EIF4G3: variants seen among roughly 807,000 people sequenced by gnomAD.
The protein encoded by EIF4G3 is eukaryotic translation initiation factor 4 gamma 3, also known as eIF-4-gamma 3.
Under a neutral mutation model 186.4 loss-of-function variants are expected in EIF4G3, and 34 were observed. The observed-to-expected ratio is 0.18, with a 90% CI of 0.14 to 0.24. EIF4G3 has a LOEUF of 0.24. Among genes scored for constraint, EIF4G3 ranks in the 10% least tolerant of loss-of-function variants. The pLI is 1.00. For synonymous variants in EIF4G3, 673 were observed against 679.5 expected, an observed-to-expected ratio of 0.99 and a Z score of 0.15; for missense variants, 1,536 against 1,948.5, an observed-to-expected ratio of 0.79 and a Z score of 3.99.
In EIF4G3 at chr1:20,980,342, T is replaced by C. The variant is rs147705566; in HGVS notation, c.485A>G (p.Asn162Ser). 1.1e-4 allele frequency: 166 copies of C among 1,549,656 alleles called. No homozygotes were observed. The African/African-American group carries it at 1.3e-3, about 12-fold the overall frequency. Reference protein sequence around the residue: ...YPGPGPGDFPNAYGTPFYPSQ... With the variant: ...YPGPGPGDFPSAYGTPFYPSQ... ...TGACTTTTCCTACTTACCATAAGCA[T>C]TGGGGAAGTCCCCAGGTCCTGGTCC... The change falls in exon 10 of 37, where the codon AAT becomes AGT. Residue 162 changes from asparagine (N) to serine (S), a missense_variant. Around this residue, in one of 11 missense-constraint regions of EIF4G3, gnomAD observed 194 missense variants for 212.8 expected, o/e 0.91. Transcript: ENST00000602326.
intron 2 of EIF4G3, among the ~76,000 whole-genome samples, chr1:21,163,422 C>T (rs2097796804): frequency 6.6e-6 from 1 of 152,118 alleles, no homozygotes; most frequent in Non-Finnish European, 1.5e-5. Context: ...CTCAAAGATT[C>T]AACAATTATT....
At chr1:20,990,704 A>T (rs992323874) in intron 7 of EIF4G3, among the ~76,000 whole-genome samples, 1 of 152,226 alleles carries the variant, frequency 6.6e-6, no homozygotes, top group Non-Finnish European at 1.5e-5. Flanking sequence ...CTATATGTAC[A>T]TCATTTTCTT....
chr1:20,883,548 C>T (rs2083105024), intron 19 of EIF4G3, among the ~76,000 whole-genome samples: 1 of 151,278 alleles, frequency 6.6e-6, no homozygotes, highest in East Asian at 1.9e-4. Flanking sequence ...ACCTGGGAGG[C>T]GGAGGCTGCA....
chr1:21,138,287 C>T (rs1378002433), intron 2 of EIF4G3, among the ~76,000 whole-genome samples: 1 of 152,204 alleles, frequency 6.6e-6, no homozygotes, highest in Non-Finnish European at 1.5e-5. Context: ...AGCTCTGGCT[C>T]TTCACTGTCT....
intron 7 of EIF4G3, among the ~76,000 whole-genome samples, chr1:20,997,303 T>C (rs2082492458): frequency 6.6e-6 from 1 of 151,874 alleles, no homozygotes; most frequent in Non-Finnish European, 1.5e-5. Flanking sequence ...ACAAAATCTA[T>C]AAACACTTAG....
intron 27 of EIF4G3, 40 bp downstream of exon 27, chr1:20,853,520 C>T (rs3767244): frequency 0.033 from 45,354 of 1,365,908 alleles, 1,508 homozygotes; most frequent in East Asian, 0.14. Context: ...TACTGGCAAG[C>T]GGGCCAGCCT....
Position 20,982,398 on chromosome 1 carries a change from C to A in EIF4G3, c.188G>T (p.Arg63Ile). ...PRPPHHQGGF[R>I]PIQFFQRPQI... is the part of the protein sequence containing the mutation. ...CCAGTAGTTTGTTACCTGGATAGGT[C>A]TGAATCCTCCCTTCAAATATGAAGC... Residue 63 changes from arginine (R) to isoleucine (I), a missense_variant, in exon 8 of 37, where the codon AGA (arginine) becomes ATA (isoleucine). Coordinates refer to ENST00000602326, the MANE Select transcript of EIF4G3 (RefSeq NM_001391906.1). 1 of 1,528,088 alleles carries A rather than the reference C, an allele frequency of 6.5e-7. No individual in the cohort carries two copies. Among genetic ancestry groups the A allele is most frequent in the South Asian group, 1.2e-5 (1 of 82,574 alleles). 94.7% of individuals were successfully genotyped at this position (1,528,088 alleles called of 1,614,324 possible).
At chr1:21,100,565 T>TA (rs1023552988) in intron 2 of EIF4G3, among the ~76,000 whole-genome samples, 4 of 151,956 alleles carry the variant, frequency 2.6e-5, no homozygotes, top group Non-Finnish European at 5.9e-5. Context: ...TCAATAGACT[T>TA]AAAAAAAGTA....
intron 11 of EIF4G3, among the ~76,000 whole-genome samples, chr1:20,970,119 C>T (rs1242772807): frequency 2.6e-5 from 4 of 151,928 alleles, no homozygotes; most frequent in African/African-American, 7.3e-5. Flanking sequence ...AACCACGGTA[C>T]CTGGCGTAGA....
chr1:21,114,207 C>T (rs1231948181), intron 2 of EIF4G3, among the ~76,000 whole-genome samples: 2 of 151,122 alleles, frequency 1.3e-5, no homozygotes, highest in Non-Finnish European at 2.9e-5. Flanking sequence ...AGTGCAGTGG[C>T]GCGATCTCGC....
rs1384473810 is a variant in EIF4G3, at chr1:20,826,005, A to G, written c.4270-807T>C. ...CTGAGAGGTATGTATTAATTACTTC[A>G]TAGAGTAACTTGTCCAAGGCATAGC... On this transcript the variant is annotated intron_variant, in intron 32 of 36. Coordinates refer to ENST00000602326, the MANE Select transcript of EIF4G3 (RefSeq NM_001391906.1). 1.3e-4 allele frequency among the ~76,000 whole-genome samples: 20 copies of G among 152,202 alleles called. 1 individual carries two copies. The highest frequency in any genetic ancestry group is 1.5e-5 in the Non-Finnish European group (1 of 68,046).
intron 30 of EIF4G3, among the ~76,000 whole-genome samples, chr1:20,831,658 G>A (rs2154548062): frequency 6.8e-6 from 1 of 147,204 alleles, no homozygotes; most frequent in East Asian, 2.0e-4. Context: ...TGCACATTGT[G>A]CAGGTTAGTT....
chr1:21,129,695 C>T (rs185852677), intron 2 of EIF4G3, among the ~76,000 whole-genome samples: 5 of 152,142 alleles, frequency 3.3e-5, no homozygotes, highest in Admixed American at 2.6e-4. Flanking sequence ...CAAAATCTAC[C>T]GTTGCCAGGA....
rs76295903 is a variant in EIF4G3 at position 20,989,552 on chromosome 1, C to G, written c.178-7144G>C. Among the ~76,000 whole-genome samples the G allele has an allele frequency of 3.8e-3, 375 of 99,788 alleles. 2 individuals carry two copies. Among genetic ancestry groups the G allele is most frequent in the African/African-American group, 0.016 (346 of 21,170 alleles). The allele number at this position is 99,788 out of a possible 152,430, so 65.5% of individuals were successfully genotyped here. A position where few individuals can be genotyped will look rare whatever the true frequency, so the allele number is the denominator to read the frequency against. ...AGCCTGGATAACAAGAGCAAAACTC[C>G]AACTCAAAAAAAAAAAAAAAAAAAA... On this transcript the variant is annotated intron_variant, in intron 7 of 36. Transcript: ENST00000602326.
intron 16 of EIF4G3, among the ~76,000 whole-genome samples, chr1:20,895,790 A>G (rs563403637): frequency 6.6e-5 from 10 of 152,360 alleles, no homozygotes; most frequent in Admixed American, 2.0e-4. Flanking sequence ...AGTATAACAC[A>G]TAATATTTCA....
intron 29 of EIF4G3, among the ~76,000 whole-genome samples, chr1:20,841,630 T>C (rs1219790227): frequency 6.6e-6 from 1 of 152,218 alleles, no homozygotes; most frequent in African/African-American, 2.4e-5. Context: ...AAAATTCTTT[T>C]AGTAAGTTCT....
chr1:21,106,730 A>T (rs2096625013), intron 2 of EIF4G3, among the ~76,000 whole-genome samples: 1 of 152,202 alleles, frequency 6.6e-6, no homozygotes, highest in African/African-American at 2.4e-5. Flanking sequence ...GCCAAAAAAA[A>T]TTAAAAAATT....
chr1:21,120,435 C>T lies in EIF4G3; in HGVS notation c.-271-31222G>A, dbSNP rs575008120. 7.2e-5 allele frequency among the ~76,000 whole-genome samples: 11 copies of T among 151,918 alleles called. No individual in the cohort carries two copies. In the South Asian group the frequency reaches 2.3e-3, roughly 32 times the overall value. Reference sequence around the variant, plus strand: ...CCAGCACTTTGGGAGGCTGACCAGCCTGGCTAATGTGGTGAAACCTCGTCT... The same window carrying T: ...CCAGCACTTTGGGAGGCTGACCAGCTTGGCTAATGTGGTGAAACCTCGTCT... On this transcript the variant is annotated intron_variant, in intron 2 of 36. Coordinates refer to ENST00000602326, the MANE Select transcript of EIF4G3 (RefSeq NM_001391906.1).
chr1:21,155,157 G>C (rs2097625315), intron 2 of EIF4G3, among the ~76,000 whole-genome samples: 1 of 151,238 alleles, frequency 6.6e-6, no homozygotes, highest in Non-Finnish European at 1.5e-5. Context: ...CAGCTACTTG[G>C]GAGGCTGAGG....
Sources: gnomAD v4.1 joint callset for allele counts (sites outside exome capture counted in the v4.1 genomes callset) on GRCh38, gnomAD v4.1.1 for gene constraint, gnomAD v4.1.1 regional missense constraint, MANE v1.5 for transcripts, NCBI Gene and HGNC (gene_info 2026-07-23, HGNC 2026-07-21) for gene names.